The following DNAJC3 variants were observed in gnomAD, a reference collection of about 807,000 sequenced individuals.
DNAJC3 encodes the protein DnaJ heat shock protein family (Hsp40) member C3, also known as dnaJ homolog subfamily C member 3.
A neutral mutation model predicts 68.6 loss-of-function variants in DNAJC3; 38 were observed. That is an observed-to-expected ratio of 0.55 (90% CI 0.43 to 0.73). DNAJC3 has a LOEUF of 0.73. Ranked by LOEUF, DNAJC3 falls within the 30% of genes least tolerant of loss-of-function variation. The pLI, the probability that DNAJC3 is intolerant of heterozygous loss-of-function variation, is 0.00. For synonymous variants in DNAJC3, 203 were observed against 204.0 expected, an observed-to-expected ratio of 1.00 and a Z score of 0.04; for missense variants, 526 against 591.9, an observed-to-expected ratio of 0.89 and a Z score of 1.16.
At chr13:95,701,500 G>C (rs1025472111) in intron 1 of DNAJC3, among the ~76,000 whole-genome samples, 3 of 149,134 alleles carry the variant, frequency 2.0e-5, no homozygotes, top group Non-Finnish European at 4.4e-5. Flanking sequence ...CCATCCCCCT[G>C]TAACAGATTT....
intron 2 of DNAJC3, among the ~76,000 whole-genome samples, chr13:95,715,475 TTC>T (rs1401744442): frequency 2.6e-5 from 4 of 151,894 alleles, no homozygotes; most frequent in African/African-American, 9.7e-5. Flanking sequence ...ACATCATAGT[TTC>T]TTTTTCTTTT....
chr13:95,763,561 C>T, intron 7 of DNAJC3, 82 bp from the exon 8 acceptor site: 1 of 1,324,226 alleles, frequency 7.6e-7, no homozygotes, highest in Admixed American at 2.0e-5. Flanking sequence ...TTAAGCAACA[C>T]ATGGTGAAGA....
At chr13:95,711,697 A>C (rs902230111) in intron 2 of DNAJC3, among the ~76,000 whole-genome samples, 1 of 152,202 alleles carries the variant, frequency 6.6e-6, no homozygotes, top group Admixed American at 6.5e-5. Flanking sequence ...CTAATAACAT[A>C]GCCTCTAAAT....
At chr13:95,777,301 A>G (rs1317482870) in intron 9 of DNAJC3, among the ~76,000 whole-genome samples, 1 of 152,164 alleles carries the variant, frequency 6.6e-6, no homozygotes, top group Admixed American at 6.6e-5. Flanking sequence ...AAGAGCCCTT[A>G]TCTTCAAGTC....
chr13:95,725,385 G>A (rs1182916646), intron 4 of DNAJC3, 133 bp downstream of exon 4: 6 of 516,888 alleles, frequency 1.2e-5, no homozygotes, highest in African/African-American at 1.0e-4. Flanking sequence ...ATAGAGAATA[G>A]CCAGATTTAT....
At chr13:95,729,674 A>T in intron 4 of DNAJC3, among the ~76,000 whole-genome samples, 1 of 151,828 alleles carries the variant, frequency 6.6e-6, no homozygotes, top group Non-Finnish European at 1.5e-5. Flanking sequence ...AGCATCCATT[A>T]TTTTTTGTCT....
intron 4 of DNAJC3, among the ~76,000 whole-genome samples, chr13:95,732,911 T>A (rs1024699151): frequency 6.6e-6 from 1 of 152,160 alleles, no homozygotes; most frequent in African/African-American, 2.4e-5. Context: ...CATCTTAATT[T>A]CTTGACAGAG....
chr13:95,688,602 G>C (rs893448852), intron 1 of DNAJC3, among the ~76,000 whole-genome samples: 1 of 150,808 alleles, frequency 6.6e-6, no homozygotes, highest in Admixed American at 6.6e-5. Context: ...TGCAACCTAC[G>C]CCTCCCACTT....
intron 1 of DNAJC3, among the ~76,000 whole-genome samples, chr13:95,707,052 G>T (rs1317804896): frequency 6.6e-6 from 1 of 152,160 alleles, no homozygotes; most frequent in African/African-American, 2.4e-5. Flanking sequence ...GGTTGGGTAG[G>T]GGGAGGATAG....
intron 1 of DNAJC3, among the ~76,000 whole-genome samples, chr13:95,690,879 C>T (rs1202683035): frequency 4.5e-5 from 6 of 132,416 alleles, no homozygotes; most frequent in East Asian, 2.4e-4. Flanking sequence ...GCAGAGGCGC[C>T]CCTCACTTCC....
chr13:95,778,625 TCTAA>T (rs1235226555), intron 9 of DNAJC3, among the ~76,000 whole-genome samples: 1 of 152,204 alleles, frequency 6.6e-6, no homozygotes, highest in Non-Finnish European at 1.5e-5. Flanking sequence ...ACATGGAATA[TCTAA>T]AGTAGTTAAC....
intron 2 of DNAJC3, among the ~76,000 whole-genome samples, chr13:95,714,763 A>G (rs1881085030): frequency 6.6e-6 from 1 of 152,232 alleles, no homozygotes; most frequent in Non-Finnish European, 1.5e-5. Flanking sequence ...TGTGTCTTAA[A>G]GTATTTATTC....
chr13:95,705,780 TCTC>T (rs1043489791), intron 1 of DNAJC3, among the ~76,000 whole-genome samples: 3 of 152,140 alleles, frequency 2.0e-5, no homozygotes, highest in Non-Finnish European at 2.9e-5. Context: ...CTCAAGCAGT[TCTC>T]CTGCCTTGGC....
At chr13:95,727,298 G>T (rs1330934774) in intron 4 of DNAJC3, among the ~76,000 whole-genome samples, 1 of 152,058 alleles carries the variant, frequency 6.6e-6, no homozygotes, top group East Asian at 1.9e-4. Context: ...GTTTCTTCTG[G>T]ATAACTGAGA....
In DNAJC3 at chr13:95,791,066, A is replaced by G. The variant is rs369175290; in HGVS notation, c.*36A>G. ...TTTCTGCTCTTCTTAATTTTTTTAA[A>G]GATTAAAAACAAAGAAATCTTGTTC... On this transcript the variant is annotated 3_prime_UTR_variant, in exon 12 of 12. Transcript: ENST00000602402. 3.0e-5 allele frequency: 48 copies of G among 1,600,588 alleles called. No homozygotes were observed. In the African/African-American group the frequency reaches 5.0e-4, roughly 17 times the overall value.
At chr13:95,706,620 G>A (rs1319842330) in intron 1 of DNAJC3, among the ~76,000 whole-genome samples, 1 of 152,140 alleles carries the variant, frequency 6.6e-6, no homozygotes, top group Non-Finnish European at 1.5e-5. Flanking sequence ...CATCCACCAT[G>A]GGTAAAGCTG....
intron 1 of DNAJC3, 98 bp downstream of exon 1, chr13:95,677,435 G>A: frequency 1.6e-6 from 2 of 1,256,034 alleles, no homozygotes; most frequent in Middle Eastern, 2.1e-4. Context: ...AGCGGCTCGG[G>A]AGGTGGGGCG....
At chr13:95,701,133 G>C (rs189135449) in intron 1 of DNAJC3, among the ~76,000 whole-genome samples, 2 of 152,166 alleles carry the variant, frequency 1.3e-5, no homozygotes, top group Non-Finnish European at 1.5e-5. Context: ...AATCCCCCGA[G>C]GGCTGTCCAG....
chr13:95,754,323 T>G (rs1767827924), intron 4 of DNAJC3, among the ~76,000 whole-genome samples: 1 of 152,156 alleles, frequency 6.6e-6, no homozygotes, highest in Non-Finnish European at 1.5e-5. Context: ...TGTCACAACA[T>G]GGCAGCTTGC....
Sources: allele counts gnomAD v4.1 joint callset (sites outside exome capture counted in the v4.1 genomes callset), GRCh38; gene constraint gnomAD v4.1.1; transcripts MANE v1.5; gene names NCBI Gene and HGNC (gene_info 2026-07-23, HGNC 2026-07-21).